SH3BP5: variants seen among roughly 807,000 people sequenced by gnomAD.
SH3BP5 encodes SH3 domain binding protein 5.
Under a neutral mutation model 43.3 loss-of-function variants are expected in SH3BP5, and 22 were observed. That is an observed-to-expected ratio of 0.51 (90% CI 0.36 to 0.73). The LOEUF is 0.73. SH3BP5 is among the 30% of genes least tolerant of loss of function. SH3BP5 has a pLI of 0.00. For missense variants in SH3BP5, 529 were observed against 586.9 expected (o/e 0.90, Z 1.02); for synonymous variants, 255 against 225.8 (o/e 1.13, Z -1.16).
chr3:15,269,597 T>C, intron 4 of SH3BP5, 116 bp downstream of exon 4: 1 of 1,139,538 alleles, frequency 8.8e-7, no homozygotes, highest in Non-Finnish European at 1.2e-6. Flanking sequence ...CAACCTGTGA[T>C]TTTCAGGGTG....
chr3:15,339,737 A>G (rs1205848542), intron 1 of SH3BP5: 1 of 151,962 alleles, frequency 6.6e-6, no homozygotes, highest in East Asian at 1.9e-4. Context: ...TAAATAATAA[A>G]AAGAAGAAAG....
At chr3:15,279,831 T>C (rs1043781296) in intron 3 of SH3BP5, among the ~76,000 whole-genome samples, 4 of 152,140 alleles carry the variant, frequency 2.6e-5, no homozygotes, top group Admixed American at 2.0e-4. Flanking sequence ...CCTCTGCTTA[T>C]CTTCAGTACT....
rs752507669 is a variant in SH3BP5, at chr3:15,269,791, G to A, written c.417C>T (p.Ala139=). ...TGTCATCCTCCAGCAGCCGCTGCTC[G>A]GCCAGGGAGATGGTCTCCTTGGCGG... ...LRAAKETISL[A]EQRLLEDDKR... is the part of the protein sequence containing the mutation. Residue 139 remains alanine, a synonymous_variant, in exon 4 of 9, where the codon GCC becomes GCT. Coordinates refer to ENST00000383791, the MANE Select transcript of SH3BP5 (RefSeq NM_004844.5). 11 of 1,611,788 alleles carry A rather than the reference G, an allele frequency of 6.8e-6. No homozygotes were observed. Among genetic ancestry groups the A allele is most frequent in the South Asian group, 5.5e-5 (5 of 90,916 alleles).
chr3:15,317,321 C>T (rs1559455937), intron 2 of SH3BP5, among the ~76,000 whole-genome samples: 1 of 152,212 alleles, frequency 6.6e-6, no homozygotes. Context: ...CACATCCACC[C>T]ACCACAGCAT....
Position 15,290,109 on chromosome 3 carries a change from C to T in SH3BP5, c.330+13994G>A, listed in dbSNP as rs529496613. 2.6e-5 allele frequency among the ~76,000 whole-genome samples: 4 copies of T among 152,206 alleles called. No homozygotes were observed. The South Asian group carries it at 8.3e-4, about 32-fold the overall frequency. ...GCATCTTTTTTTACTTCCATTTAAA[C>T]CACTTCCTCAGGCCGGGCACGGTGG... On this transcript the variant is annotated intron_variant, in intron 3 of 8. Transcript: ENST00000383791.
intron 3 of SH3BP5, among the ~76,000 whole-genome samples, chr3:15,294,263 GCC>G (rs1421581684): frequency 2.0e-5 from 3 of 151,142 alleles, no homozygotes; most frequent in Non-Finnish European, 4.4e-5. Context: ...CAGACTCTAA[GCC>G]CCAGTTTCTT....
At chr3:15,257,178 C>CCAGCAGCAAGCACT in intron 7 of SH3BP5, 65 bp from the exon 8 acceptor site, 1 of 1,539,246 alleles carries the variant, frequency 6.5e-7, no homozygotes, top group Non-Finnish European at 8.9e-7. Context: ...CAAGTGCTTG[C>CCAGCAGCAAGCACT]TGCTGGCAGG....
At chr3:15,256,759 G>T in intron 8 of SH3BP5, 94 bp downstream of exon 8, 1 of 1,379,606 alleles carries the variant, frequency 7.2e-7, no homozygotes. Context: ...GCAGCATGGG[G>T]GCCCTGAGAC....
At chr3:15,295,239 A>G in intron 3 of SH3BP5, among the ~76,000 whole-genome samples, 1 of 152,206 alleles carries the variant, frequency 6.6e-6, no homozygotes, top group East Asian at 1.9e-4. Context: ...CGTATTTGTG[A>G]ATTTGCCTAC....
intron 3 of SH3BP5, among the ~76,000 whole-genome samples, chr3:15,285,226 T>C (rs938180474): frequency 5.3e-5 from 8 of 152,246 alleles, no homozygotes; most frequent in African/African-American, 1.9e-4. Context: ...GCATTTGCGA[T>C]TTTTTTCTCC....
upstream of SH3BP5, among the ~76,000 whole-genome samples, chr3:15,332,799 C>G (rs535803599): frequency 6.6e-6 from 1 of 152,214 alleles, no homozygotes; most frequent in Non-Finnish European, 1.5e-5. Flanking sequence ...AACTACGTAA[C>G]GCAAGCCTCC....
Position 15,332,319 on chromosome 3 carries a change from C to A in SH3BP5, c.90G>T (p.Gly30=). ...CTTCCTCCTCCAGCCCCTGCTCCAT[C>A]CCCTCTTCCTCCTCCTCCTCCTCGT... ...ARDEEEEEEE[G]MEQGLEEEEE... Residue 30 remains glycine (G), a synonymous_variant, in exon 1 of 9, where the codon GGG becomes GGT. Transcript: ENST00000383791. The A allele has an allele frequency of 6.5e-7, 1 of 1,547,296 alleles. No individual in the cohort carries two copies. Among genetic ancestry groups the A allele is most frequent in the South Asian group, 1.2e-5 (1 of 84,350 alleles).
chr3:15,287,857 G>GGGCCA lies in SH3BP5; in HGVS notation c.330+16241_330+16245dup, dbSNP rs528826110. Among the ~76,000 whole-genome samples the GGGCCA allele has an allele frequency of 2.4e-4, 36 of 152,302 alleles. No homozygotes were observed. The East Asian group carries it at 6.4e-3, about 27-fold the overall frequency. ...AAGTCCAGATGCCGAAAGACAAGAG[G>GGGCCA]GGCCAGGCCAGGCCGTGAAAAGCTT... On this transcript the variant is annotated intron_variant, in intron 3 of 8. Transcript: ENST00000383791.
chr3:15,306,761 C>T (rs995307823), intron 2 of SH3BP5, among the ~76,000 whole-genome samples: 12 of 152,048 alleles, frequency 7.9e-5, no homozygotes, highest in Admixed American at 6.5e-4. Flanking sequence ...CTCTGCCTCC[C>T]GGGTTCAAGC....
intron 4 of SH3BP5, among the ~76,000 whole-genome samples, chr3:15,267,701 G>A (rs1428775003): frequency 1.3e-5 from 2 of 152,150 alleles, no homozygotes; most frequent in African/African-American, 4.8e-5. Context: ...ACTCCAAAAA[G>A]CGCTATTCCC....
At chr3:15,268,825 G>A (rs991760797) in intron 4 of SH3BP5, among the ~76,000 whole-genome samples, 1 of 152,066 alleles carries the variant, frequency 6.6e-6, no homozygotes, top group East Asian at 1.9e-4. Context: ...AATGAGGGTA[G>A]AACCATCATG....
chr3:15,326,131 T>A (rs56066728), intron 2 of SH3BP5, among the ~76,000 whole-genome samples: 90,455 of 152,088 alleles, frequency 0.59, 27,569 homozygotes, highest in South Asian at 0.73. Context: ...TTCCTCCTTT[T>A]ACAGCTTGAA....
chr3:15,332,789 A>G (rs1034921518), upstream of SH3BP5, among the ~76,000 whole-genome samples: 2 of 151,896 alleles, frequency 1.3e-5, no homozygotes, highest in South Asian at 2.1e-4. Context: ...GATATATCTC[A>G]ACTACGTAAC....
chr3:15,306,189 T>C (rs1438410345), intron 2 of SH3BP5, among the ~76,000 whole-genome samples: 1 of 148,544 alleles, frequency 6.7e-6, no homozygotes, highest in Non-Finnish European at 1.5e-5. Context: ...ACCCCATCTC[T>C]ACTAAAAATA....
Sources: gnomAD v4.1 joint callset for allele counts (sites outside exome capture counted in the v4.1 genomes callset) on GRCh38, gnomAD v4.1.1 for gene constraint, MANE v1.5 for transcripts, NCBI Gene and HGNC (gene_info 2026-07-23, HGNC 2026-07-21) for gene names.